The following ARHGAP6 variants were observed in gnomAD, a reference collection of about 807,000 sequenced individuals.
The protein encoded by ARHGAP6 is rho GTPase-activating protein 6.
In ARHGAP6, 16 loss-of-function variants were observed where a neutral mutation model predicts 55.7. The observed-to-expected ratio is 0.29, with a 90% CI of 0.19 to 0.44. The LOEUF is 0.44. Ranked by LOEUF, ARHGAP6 falls within the 20% of genes least tolerant of loss-of-function variation. The probability of loss-of-function intolerance (pLI) is 1.00; values close to 1 mark genes in which losing one functional copy is unlikely to be tolerated. For synonymous variants in ARHGAP6, 382 were observed against 360.9 expected (o/e 1.06, Z -0.66); for missense variants, 698 against 808.9 (o/e 0.86, Z 1.66).
intron 1 of ARHGAP6, among the ~76,000 whole-genome samples, chrX:11,660,560 A>C (rs1481659763): frequency 3.2e-5 from 3 of 93,049 alleles, no homozygotes; most frequent in African/African-American, 1.2e-4. Flanking sequence ...AAAAAAAAAA[A>C]AAAAAAAAAA....
chrX:11,417,920 A>G (rs2049774665), intron 1 of ARHGAP6, among the ~76,000 whole-genome samples: 1 of 110,445 alleles, frequency 9.1e-6, no homozygotes, highest in Admixed American at 9.5e-5. Context: ...TTAAGGATTA[A>G]GTGAGATAAT....
chrX:11,305,349 G>A (rs2048226838), intron 1 of ARHGAP6, among the ~76,000 whole-genome samples: 1 of 112,147 alleles, frequency 8.9e-6, no homozygotes, highest in Non-Finnish European at 1.9e-5. Flanking sequence ...AAGAAAGCAT[G>A]TCCACCCTCT....
intron 2 of ARHGAP6, among the ~76,000 whole-genome samples, chrX:11,221,003 C>T (rs1159887808): frequency 9.0e-6 from 1 of 111,291 alleles, no homozygotes; most frequent in African/African-American, 3.3e-5. Flanking sequence ...ATAAAACAGA[C>T]TTTAAACCAA....
chrX:11,572,712 G>A (rs2051539634), intron 1 of ARHGAP6, among the ~76,000 whole-genome samples: 1 of 111,893 alleles, frequency 8.9e-6, no homozygotes, highest in Non-Finnish European at 1.9e-5. Flanking sequence ...CCAGTAATGG[G>A]AAGGCTGGGT....
intron 1 of ARHGAP6, among the ~76,000 whole-genome samples, chrX:11,569,123 T>G (rs771099250): frequency 9.0e-6 from 1 of 111,634 alleles, no homozygotes; most frequent in East Asian, 2.8e-4. Flanking sequence ...ACACTAGTCG[T>G]TCTTAAGTGC....
intron 1 of ARHGAP6, chrX:11,298,362 C>A (rs1423675420): frequency 1.8e-6 from 2 of 1,099,378 alleles, no homozygotes; most frequent in Non-Finnish European, 2.5e-6. Context: ...CATGTCTACT[C>A]CACATGCAGA....
intron 8 of ARHGAP6, among the ~76,000 whole-genome samples, chrX:11,170,141 G>A (rs1358819325): frequency 2.8e-4 from 31 of 111,183 alleles, no homozygotes; most frequent in South Asian, 3.8e-4. Flanking sequence ...TTACAACATA[G>A]TCCTTATTTT....
At chrX:11,597,075 T>C (rs1203442317) in intron 1 of ARHGAP6, among the ~76,000 whole-genome samples, 1 of 111,928 alleles carries the variant, frequency 8.9e-6, no homozygotes, top group East Asian at 2.8e-4. Context: ...TACCCTTTGA[T>C]TTAAATTATG....
At chrX:11,340,530 C>T (rs1199513718) in intron 1 of ARHGAP6, among the ~76,000 whole-genome samples, 1 of 110,874 alleles carries the variant, frequency 9.0e-6, no homozygotes, top group Non-Finnish European at 1.9e-5. Context: ...GAGATGGAGA[C>T]CATCCTGGCT....
chrX:11,442,724 T>C (rs1225726284), intron 1 of ARHGAP6, among the ~76,000 whole-genome samples: 1 of 111,947 alleles, frequency 8.9e-6, no homozygotes, highest in East Asian at 2.8e-4. Context: ...CCATGGGGTG[T>C]GTGGAGCTGA....
Position 11,558,070 on chromosome X carries a change from C to T in ARHGAP6, c.588+106171G>A, listed in dbSNP as rs893781918. On this transcript the variant is annotated intron_variant, in intron 1 of 12. Coordinates refer to ENST00000337414, the MANE Select transcript of ARHGAP6 (RefSeq NM_013427.3). Reference sequence around the variant, plus strand: ...CAGAGCTACCATTTACAAACCCACACGCTCCATGTTATTTGCTGCCAAAAT... The same window carrying T: ...CAGAGCTACCATTTACAAACCCACATGCTCCATGTTATTTGCTGCCAAAAT... Among the ~76,000 whole-genome samples the T allele has an allele frequency of 8.0e-5, 9 of 112,062 alleles. No individual in the cohort carries two copies. In the South Asian group the frequency reaches 1.9e-3, roughly 23 times the overall value.
chrX:11,572,295 G>A (rs961704775), intron 1 of ARHGAP6, among the ~76,000 whole-genome samples: 4 of 109,562 alleles, frequency 3.7e-5, no homozygotes, highest in East Asian at 2.9e-4. Flanking sequence ...CCATTAACTC[G>A]TCATTTAGCA....
intron 1 of ARHGAP6, among the ~76,000 whole-genome samples, chrX:11,529,290 G>C (rs1463271906): frequency 2.7e-5 from 3 of 112,039 alleles, no homozygotes; most frequent in Non-Finnish European, 5.6e-5. Flanking sequence ...TCATGCTCTA[G>C]AGCAGTGTTT....
intron 1 of ARHGAP6, among the ~76,000 whole-genome samples, chrX:11,434,497 G>C (rs766884417): frequency 5.4e-5 from 6 of 110,594 alleles, no homozygotes; most frequent in African/African-American, 9.9e-5. Context: ...GACCACTCTG[G>C]AGTTCTTTGG....
chrX:11,358,431 ATCTT>A (rs546950014), intron 1 of ARHGAP6, among the ~76,000 whole-genome samples: 11,819 of 72,172 alleles, frequency 0.16, 911 homozygotes, highest in East Asian at 0.26. Flanking sequence ...TTTTAACTGT[ATCTT>A]TCTTTCTTTC....
chrX:11,488,138 G>GAGAT (rs911020839), intron 1 of ARHGAP6, among the ~76,000 whole-genome samples: 4 of 111,926 alleles, frequency 3.6e-5, no homozygotes, highest in African/African-American at 9.7e-5. Flanking sequence ...AGAGAGTAAA[G>GAGAT]AGATATGACA....
chrX:11,177,373 G>GC (rs1420822650), intron 8 of ARHGAP6, among the ~76,000 whole-genome samples: 1 of 103,307 alleles, frequency 9.7e-6, no homozygotes, highest in African/African-American at 3.6e-5. Flanking sequence ...TGGTGGGCGG[G>GC]GGGGGGGCAC....
At chrX:11,615,361 T>A (rs2052151261) in intron 1 of ARHGAP6, among the ~76,000 whole-genome samples, 1 of 111,993 alleles carries the variant, frequency 8.9e-6, no homozygotes, top group African/African-American at 3.2e-5. Flanking sequence ...AGGGATAGAA[T>A]CTTGTCTCAT....
chrX:11,529,909 G>A (rs2051030435), intron 1 of ARHGAP6, among the ~76,000 whole-genome samples: 1 of 111,572 alleles, frequency 9.0e-6, no homozygotes, highest in South Asian at 3.7e-4. Flanking sequence ...AATATATTGT[G>A]AATAATACAA....
Sources: gnomAD v4.1 joint callset for allele counts (sites outside exome capture counted in the v4.1 genomes callset) on GRCh38, gnomAD v4.1.1 for gene constraint, MANE v1.5 for transcripts, NCBI Gene and HGNC (gene_info 2026-07-23, HGNC 2026-07-21) for gene names.